The following TENM3 variants were observed in gnomAD, a reference collection of about 807,000 sequenced individuals.
TENM3 encodes teneurin-3.
A neutral mutation model predicts 255.1 loss-of-function variants in TENM3; 63 were observed. The ratio of observed to expected loss-of-function variants is 0.25; its 90% CI spans 0.20 to 0.30. TENM3 has a LOEUF of 0.30. TENM3 is among the 10% of genes least tolerant of loss of function. The pLI is 1.00. For missense variants in TENM3, 2,929 were observed against 3,461.1 expected (o/e 0.85, Z 3.86); for synonymous variants, 1,306 against 1,322.3 (o/e 0.99, Z 0.27).
chr4:182,147,676 C>CT (rs1394095678), intron 1 of TENM3, among the ~76,000 whole-genome samples: 1 of 151,984 alleles, frequency 6.6e-6, no homozygotes, highest in African/African-American at 2.4e-5. Flanking sequence ...CGAGGGCATA[C>CT]TTTTTTTTAC....
intron 3 of TENM3, among the ~76,000 whole-genome samples, chr4:182,369,214 C>T (rs935505276): frequency 6.6e-6 from 1 of 152,160 alleles, no homozygotes; most frequent in African/African-American, 2.4e-5. Flanking sequence ...GATATTTGGA[C>T]TTTACTCAAC....
chr4:182,719,257 T>TTTC (rs1759470370), intron 13 of TENM3, among the ~76,000 whole-genome samples: 2 of 123,570 alleles, frequency 1.6e-5, no homozygotes, highest in Non-Finnish European at 3.4e-5. Flanking sequence ...TTTTTCTTTT[T>TTTC]TTTTTTTTTT....
chr4:182,164,518 G>A (rs1751578577), intron 1 of TENM3, among the ~76,000 whole-genome samples: 1 of 152,138 alleles, frequency 6.6e-6, no homozygotes, highest in South Asian at 2.1e-4. Flanking sequence ...ATTCTGTGGA[G>A]CTCCTCCTCC....
intron 12 of TENM3, among the ~76,000 whole-genome samples, chr4:182,703,942 C>A (rs1285504163): frequency 6.6e-6 from 1 of 152,156 alleles, no homozygotes; most frequent in Non-Finnish European, 1.5e-5. Context: ...TATCCAGACA[C>A]CACTGTAATC....
chr4:182,556,593 A>G (rs540646868), intron 3 of TENM3, among the ~76,000 whole-genome samples: 1 of 152,212 alleles, frequency 6.6e-6, no homozygotes, highest in Admixed American at 6.5e-5. Context: ...CTTATCTCTT[A>G]TAAGTTTTAC....
the TENM3 span, among the ~76,000 whole-genome samples, chr4:181,671,180 G>T: frequency 6.6e-6 from 1 of 152,042 alleles, no homozygotes; most frequent in Non-Finnish European, 1.5e-5. Context: ...TCCTTAACAA[G>T]TGAGTTCATG....
At chr4:182,631,309 A>G (rs1252333483) in intron 5 of TENM3, 1 of 152,196 alleles carries the variant, frequency 6.6e-6, no homozygotes, top group Non-Finnish European at 1.5e-5. Flanking sequence ...GTTATCTAGC[A>G]AAAAAATTAC....
chr4:181,645,454 G>T, the TENM3 span, among the ~76,000 whole-genome samples: 1 of 152,192 alleles, frequency 6.6e-6, no homozygotes, highest in African/African-American at 2.4e-5. Context: ...ACAGGCATTT[G>T]CCATGGAGGG....
At chr4:181,537,449 A>G in the TENM3 span, among the ~76,000 whole-genome samples, 3 of 152,188 alleles carry the variant, frequency 2.0e-5, no homozygotes, top group African/African-American at 4.8e-5. Flanking sequence ...AACCTCACCA[A>G]TTCAAACTCA....
chr4:181,564,028 CT>C, the TENM3 span, among the ~76,000 whole-genome samples: 2 of 94,714 alleles, frequency 2.1e-5, no homozygotes, highest in African/African-American at 4.2e-5. Context: ...CTTTTCTTTT[CT>C]TTTCTTTTTT....
At chr4:181,936,727 G>A in the TENM3 span, among the ~76,000 whole-genome samples, 79 of 151,998 alleles carry the variant, frequency 5.2e-4, 1 homozygote, top group Admixed American at 5.2e-3. Flanking sequence ...AAGAGCAGAG[G>A]ACCTATCTGG....
At chr4:181,467,125 A>ATTTT in the TENM3 span, among the ~76,000 whole-genome samples, 12 of 17,622 alleles carry the variant, frequency 6.8e-4, no homozygotes, top group East Asian at 2.2e-3. Context: ...ATATATATAT[A>ATTTT]TTTTTTTTTT....
At chr4:182,174,973 GA>G (rs1322373249) in intron 1 of TENM3, among the ~76,000 whole-genome samples, 2 of 151,074 alleles carry the variant, frequency 1.3e-5, no homozygotes, top group African/African-American at 2.4e-5. Flanking sequence ...TTATCTCTAG[GA>G]AAAAAAATCC....
At chr4:181,476,133 C>T in the TENM3 span, among the ~76,000 whole-genome samples, 1 of 151,996 alleles carries the variant, frequency 6.6e-6, no homozygotes, top group Non-Finnish European at 1.5e-5. Flanking sequence ...GCTACATCTT[C>T]CCTAGAGTAA....
intron 6 of TENM3, among the ~76,000 whole-genome samples, chr4:182,655,317 A>T (rs1242813228): frequency 6.6e-6 from 1 of 152,208 alleles, no homozygotes; most frequent in African/African-American, 2.4e-5. Flanking sequence ...AATTGTAATT[A>T]TACCAAAGAG....
At chr4:182,189,005 G>A (rs1458889480) in intron 1 of TENM3, among the ~76,000 whole-genome samples, 7 of 151,842 alleles carry the variant, frequency 4.6e-5, no homozygotes, top group Non-Finnish European at 1.0e-4. Context: ...AAATATTGCG[G>A]CCTTTAAAAG....
At chr4:181,948,083 A>T in the TENM3 span, among the ~76,000 whole-genome samples, 1 of 152,172 alleles carries the variant, frequency 6.6e-6, no homozygotes, top group Non-Finnish European at 1.5e-5. Context: ...TCTCAGGGAG[A>T]CACAGTTTTA....
the TENM3 span, among the ~76,000 whole-genome samples, chr4:182,132,325 C>A: frequency 1.1e-4 from 16 of 150,160 alleles, no homozygotes; most frequent in Middle Eastern, 3.5e-3. Flanking sequence ...TAAAAAAAAA[C>A]CAACAAAAAT....
Position 182,346,750 on chromosome 4 carries a change from C to G in TENM3, c.332C>G (p.Ser111Cys). The change falls in exon 3 of 28, where the codon TCT becomes TGT. Residue 111 changes from serine (S) to cysteine (C), a missense_variant. Ser to Cys is a moderately radical substitution (Grantham distance 112). Around this residue, in one of 6 missense-constraint regions of TENM3, gnomAD observed 283 missense variants for 256.9 expected, o/e 1.10. Transcript: ENST00000511685. ...AEMGLPHRGY[S>C]ISAGSDADTE... ...ATGGGGCTCCCTCACAGAGGTTACT[C>G]TATCAGTGCAGGGTCAGATGCTGAT... 6.2e-7 allele frequency: 1 copy of G among 1,613,608 alleles called. No homozygotes were observed. The highest frequency in any genetic ancestry group is 8.5e-7 in the Non-Finnish European group (1 of 1,179,768).
Sources: allele counts gnomAD v4.1 joint callset (sites outside exome capture counted in the v4.1 genomes callset), GRCh38; gene constraint gnomAD v4.1.1; regional missense constraint gnomAD v4.1.1; transcripts MANE v1.5; gene names NCBI Gene and HGNC (gene_info 2026-07-23, HGNC 2026-07-21).